The following YAE1 variants were observed in gnomAD, a reference collection of about 807,000 sequenced individuals.
YAE1 encodes the protein YAE1 maturation factor of ABCE1, also known as protein YAE1 homolog.
YAE1 carries 22 observed loss-of-function variants against 23.0 expected under a neutral mutation model. The ratio of observed to expected loss-of-function variants is 0.96; its 90% CI spans 0.68 to 1.37. The LOEUF (loss-of-function observed/expected upper bound fraction) is 1.37, where lower values mean the gene tolerates loss of function less well. Among genes scored for constraint, YAE1 ranks in the 40% most tolerant of loss-of-function variants. YAE1 has a pLI of 0.00. For synonymous variants in YAE1, 101 were observed against 97.0 expected (o/e 1.04, Z -0.24); for missense variants, 260 against 262.1 (o/e 0.99, Z 0.06).
downstream of YAE1, among the ~76,000 whole-genome samples, chr7:39,575,577 A>AGTGTGTGT (rs1554291564): frequency 1.2e-5 from 1 of 80,204 alleles, no homozygotes; most frequent in African/African-American, 8.3e-5. Flanking sequence ...AGAGAGAGAG[A>AGTGTGTGT]GTGAGTGTGT....
At chr7:39,589,266 G>A (rs1790865997) in intron 2 of YAE1, among the ~76,000 whole-genome samples, 8 of 152,138 alleles carry the variant, frequency 5.3e-5, no homozygotes, top group Admixed American at 5.2e-4. Flanking sequence ...GTAGTTTTCT[G>A]TATAGCTATT....
In YAE1 at chr7:39,567,359, G is replaced by C. The variant is rs1254763273; in HGVS notation, c.129+812G>C. On this transcript the variant is annotated intron_variant, in intron 1 of 2. Coordinates refer to ENST00000223273, the MANE Select transcript of YAE1 (RefSeq NM_020192.5). ...AAGTATTGAGCATCTTTTAAATGCT[G>C]TGGCACCGTGAGAGATGCAGAACGA... Among the ~76,000 whole-genome samples the C allele has an allele frequency of 2.0e-5, 3 of 152,230 alleles. No homozygotes were observed. The East Asian group carries it at 5.8e-4, about 29-fold the overall frequency.
intron 2 of YAE1, among the ~76,000 whole-genome samples, chr7:39,578,806 G>A (rs1790698275): frequency 6.6e-6 from 1 of 152,142 alleles, no homozygotes; most frequent in African/African-American, 2.4e-5. Flanking sequence ...CACCAATTCC[G>A]GAGACTACAT....
In YAE1 at chr7:39,566,440, T is replaced by G; in HGVS notation, c.22T>G (p.Ser8Ala). 1 of 1,614,164 alleles carries G rather than the reference T, an allele frequency of 6.2e-7. No homozygotes were observed. The highest frequency in any genetic ancestry group is 8.5e-7 in the Non-Finnish European group (1 of 1,180,008). ...GGTGATGTCGTGGGTTCAAGCAGCCTCCTTGATCCAGGGCCCTGGAGACAA... is the reference window on the plus strand; with the variant it reads ...GGTGATGTCGTGGGTTCAAGCAGCCGCCTTGATCCAGGGCCCTGGAGACAA... MSWVQAA[S>A]LIQGPGDKGD... Residue 8 changes from serine (S) to alanine (A), a missense_variant, in exon 1 of 3, where the codon TCC becomes GCC. Physicochemically the swap from Ser to Ala is moderately conservative, Grantham distance 99. Coordinates refer to ENST00000223273, the MANE Select transcript of YAE1 (RefSeq NM_020192.5).
chr7:39,591,420 A>G (rs570756714), intron 2 of YAE1, among the ~76,000 whole-genome samples: 1 of 152,322 alleles, frequency 6.6e-6, no homozygotes, highest in East Asian at 1.9e-4. Context: ...GTCCACTGAC[A>G]ATGTATTCTC....
At chr7:39,604,198 C>A (rs1791095843) in intron 2 of YAE1, among the ~76,000 whole-genome samples, 1 of 152,124 alleles carries the variant, frequency 6.6e-6, no homozygotes, top group African/African-American at 2.4e-5. Context: ...CACAGAACAT[C>A]CAGAGGAAGG....
chr7:39,571,689 G>T (rs1172501862), intron 2 of YAE1, among the ~76,000 whole-genome samples: 1 of 152,082 alleles, frequency 6.6e-6, no homozygotes, highest in African/African-American at 2.4e-5. Context: ...TTTATGACAT[G>T]ACTATAATAT....
At chr7:39,597,696 G>A (rs539049638) in intron 2 of YAE1, among the ~76,000 whole-genome samples, 8 of 152,254 alleles carry the variant, frequency 5.3e-5, no homozygotes, top group African/African-American at 1.4e-4. Flanking sequence ...GGTAGTGGTG[G>A]GGCCAATAGA....
At chr7:39,599,292 G>C (rs866731724) in intron 2 of YAE1, among the ~76,000 whole-genome samples, 32 of 152,240 alleles carry the variant, frequency 2.1e-4, no homozygotes, top group Middle Eastern at 3.4e-3. Context: ...CACTTGCTAG[G>C]CTTCTCAGAG....
rs754435363 is a variant in YAE1, at chr7:39,605,567, A to G, written c.252-4050A>G. On this transcript the variant is annotated intron_variant, in intron 2 of 2. Transcript: ENST00000432096. ...AAACACTGGCTGTTTTGGGGTCTTGAGCCAGCTGTTTTTCAGACTGGAACT... is the reference window on the plus strand; with the variant it reads ...AAACACTGGCTGTTTTGGGGTCTTGGGCCAGCTGTTTTTCAGACTGGAACT... 2.0e-5 allele frequency among the ~76,000 whole-genome samples: 3 copies of G among 152,152 alleles called. No individual in the cohort carries two copies. In the East Asian group the frequency reaches 5.8e-4, roughly 29 times the overall value.
At chr7:39,579,466 C>T (rs1404508392) in intron 2 of YAE1, among the ~76,000 whole-genome samples, 4 of 152,082 alleles carry the variant, frequency 2.6e-5, no homozygotes, top group Admixed American at 1.3e-4. Flanking sequence ...GTCAGGAGTT[C>T]GAGACCAGCC....
intron 2 of YAE1, among the ~76,000 whole-genome samples, chr7:39,588,237 C>A (rs1411587414): frequency 6.6e-6 from 1 of 152,172 alleles, no homozygotes; most frequent in African/African-American, 2.4e-5. Context: ...ATGGGCCGGA[C>A]GTGGTGGCTC....
At chr7:39,570,763 T>C in intron 2 of YAE1, 136 bp downstream of exon 2, 1 of 1,146,606 alleles carries the variant, frequency 8.7e-7, no homozygotes, top group Non-Finnish European at 1.2e-6. Flanking sequence ...GATCATAGAA[T>C]TATATTGCCT....
In YAE1 at chr7:39,572,291, G is replaced by A. The variant is rs1790580652; in HGVS notation, c.266G>A (p.Trp89Ter). Residue 89 changes from tryptophan to a stop codon, truncating the protein, a stop_gained, in exon 3 of 3, where the codon TGG (tryptophan) becomes TAG (stop). Transcript: ENST00000223273. LOFTEE classifies it high-confidence loss of function. Reference protein sequence around the residue: ...LRGTLSALLSWCHLHNNNSTL... With the variant: ...LRGTLSALLS The stretch of plus-strand genomic sequence containing the variant: ...CTTTTGTTCAGTGCTTTGCTCTCCT[G>A]GTGTCACCTTCATAATAATAATTCA... The A allele has an allele frequency of 6.2e-7, 1 of 1,611,828 alleles. No homozygotes were observed. Among genetic ancestry groups the A allele is most frequent in the African/African-American group, 1.3e-5 (1 of 74,938 alleles).
chr7:39,575,575 A>AGAGT (rs755381884), downstream of YAE1, among the ~76,000 whole-genome samples: 266 of 81,734 alleles, frequency 3.3e-3, 1 homozygote, highest in African/African-American at 0.015. Context: ...AGAGAGAGAG[A>AGAGT]GAGTGAGTGT....
intron 2 of YAE1, among the ~76,000 whole-genome samples, chr7:39,591,465 C>T (rs907350966): frequency 2.6e-5 from 4 of 152,028 alleles, no homozygotes; most frequent in Non-Finnish European, 5.9e-5. Context: ...CCTTTTATTT[C>T]CCTTTTATTC....
At chr7:39,581,820 C>T (rs892472250) in intron 2 of YAE1, among the ~76,000 whole-genome samples, 8 of 151,756 alleles carry the variant, frequency 5.3e-5, no homozygotes, top group Admixed American at 3.3e-4. Flanking sequence ...TGCAGTGAGC[C>T]GTGATCCTGC....
intron 2 of YAE1, among the ~76,000 whole-genome samples, chr7:39,606,170 A>AT (rs899919200): frequency 2.6e-5 from 4 of 151,974 alleles, no homozygotes; most frequent in African/African-American, 9.7e-5. Context: ...TTCTAGCTGT[A>AT]TTTTTTGTGC....
At chr7:39,603,964 C>A (rs1791091527) in intron 2 of YAE1, among the ~76,000 whole-genome samples, 1 of 152,198 alleles carries the variant, frequency 6.6e-6, no homozygotes, top group Non-Finnish European at 1.5e-5. Flanking sequence ...AGGGCAGAAT[C>A]TATCAATTAA....
Sources: gnomAD v4.1 joint callset for allele counts (sites outside exome capture counted in the v4.1 genomes callset) on GRCh38, gnomAD v4.1.1 for gene constraint, MANE v1.5 for transcripts, NCBI Gene and HGNC (gene_info 2026-07-23, HGNC 2026-07-21) for gene names.